CACNA1A: variants seen among roughly 807,000 people sequenced by gnomAD.
CACNA1A encodes voltage-dependent P/Q-type calcium channel subunit alpha-1A.
CACNA1A carries 57 observed loss-of-function variants against 262.4 expected under a neutral mutation model. The ratio of observed to expected loss-of-function variants is 0.22; its 90% CI spans 0.18 to 0.27. The LOEUF (loss-of-function observed/expected upper bound fraction) is 0.27. Ranked by LOEUF, CACNA1A falls within the 10% of genes least tolerant of loss-of-function variation. The pLI is 1.00. For synonymous variants in CACNA1A, 1,431 were observed against 1,419.3 expected (o/e 1.01, Z -0.18); for missense variants, 2,526 against 3,562.8 (o/e 0.71, Z 7.41).
rs947846196 is a variant in CACNA1A, at chr19:13,327,774, T to C, written c.1345+2470A>G. On this transcript the variant is annotated intron_variant, in intron 10 of 46. Transcript: ENST00000360228. Reference sequence around the variant, plus strand: ...TTTTAGTACAGACACGGTTTCACCATGTTGGCCAGGCTGGTCTCCTACTCC... The same window carrying C: ...TTTTAGTACAGACACGGTTTCACCACGTTGGCCAGGCTGGTCTCCTACTCC... Among the ~76,000 whole-genome samples the C allele has an allele frequency of 9.1e-4, 139 of 152,106 alleles. 10 individuals are homozygous for C. The highest frequency in any genetic ancestry group is 1.5e-5 in the Non-Finnish European group (1 of 68,016).
Position 13,261,630 on chromosome 19 carries a change from G to A in CACNA1A, c.4090-20C>T, listed in dbSNP as rs2056736361. 4 of 1,602,758 alleles carry A rather than the reference G, an allele frequency of 2.5e-6. No individual in the cohort carries two copies. Among genetic ancestry groups the A allele is most frequent in the Non-Finnish European group, 3.4e-6 (4 of 1,174,876 alleles). On this transcript the variant is annotated intron_variant, in intron 25 of 46. Transcript: ENST00000360228. ...CACAGCCTGTGGGGTGGAGTTGACAGAGAGCATGAGGGGCTGGGGACCTGC... is the reference window on the plus strand; with the variant it reads ...CACAGCCTGTGGGGTGGAGTTGACAAAGAGCATGAGGGGCTGGGGACCTGC...
At chr19:13,216,091 G>A (rs1306855962) in intron 38 of CACNA1A, among the ~76,000 whole-genome samples, 1 of 151,546 alleles carries the variant, frequency 6.6e-6, no homozygotes, top group Non-Finnish European at 1.5e-5. Flanking sequence ...GCTCAGAGGA[G>A]GTCTTTTCCC....
chr19:13,369,200 A>C (rs1160803158), intron 4 of CACNA1A, among the ~76,000 whole-genome samples: 1 of 152,090 alleles, frequency 6.6e-6, no homozygotes, highest in Non-Finnish European at 1.5e-5. Context: ...AATGCCTCCC[A>C]GCTGCCTCTC....
At chr19:13,439,670 C>A (rs570780104) in intron 3 of CACNA1A, among the ~76,000 whole-genome samples, 122 of 152,178 alleles carry the variant, frequency 8.0e-4, no homozygotes, top group African/African-American at 2.9e-3. Flanking sequence ...CTCGGCCTCC[C>A]AAAGTGCTGG....
chr19:13,336,594 G>GAGAGAGAGGGAGA (rs2058572370), intron 6 of CACNA1A, among the ~76,000 whole-genome samples: 2 of 65,494 alleles, frequency 3.1e-5, no homozygotes, highest in Non-Finnish European at 3.1e-5. Flanking sequence ...AGAGAGAGAG[G>GAGAGAGAGGGAGA]GAGAGAGAGA....
intron 3 of CACNA1A, among the ~76,000 whole-genome samples, chr19:13,427,289 T>TA (rs1179095896): frequency 6.6e-6 from 1 of 151,508 alleles, no homozygotes; most frequent in African/African-American, 2.4e-5. Context: ...CCGTCTCTAC[T>TA]AAAAAAAATT....
In CACNA1A at chr19:13,299,004, G is replaced by A; in HGVS notation, c.2629C>T (p.Leu877=). 2 of 1,575,246 alleles carry A rather than the reference G, an allele frequency of 1.3e-6. No homozygotes were observed. Among genetic ancestry groups the A allele is most frequent in the Non-Finnish European group, 1.7e-6 (2 of 1,168,156 alleles). Residue 877 remains leucine, a synonymous_variant, in exon 19 of 47, where the codon CTG becomes TTG. Coordinates refer to ENST00000360228, the MANE Select transcript of CACNA1A (RefSeq NM_001127222.2). ...CCCGCCCAGGGCCTCCGTGCGTCCA[G>A]GCCCGCCGAGCCGCTGGGGTCCCGG... The part of the protein sequence containing the change: ...RARDPSGSAG[L]DARRPWAGSQ...
chr19:13,317,985 G>A (rs2145054621), intron 10 of CACNA1A, among the ~76,000 whole-genome samples: 1 of 152,110 alleles, frequency 6.6e-6, no homozygotes, highest in Non-Finnish European at 1.5e-5. Flanking sequence ...AAAGTGCTAT[G>A]GGAAAAAAAA....
At chr19:13,314,829 G>A (rs188636716) in intron 11 of CACNA1A, among the ~76,000 whole-genome samples, 223 of 152,190 alleles carry the variant, frequency 1.5e-3, no homozygotes, top group Non-Finnish European at 2.7e-3. Flanking sequence ...TTATTTATAG[G>A]ACGCTAAGGA....
At chr19:13,263,833 T>C (rs1312579333) in intron 24 of CACNA1A, among the ~76,000 whole-genome samples, 1 of 152,182 alleles carries the variant, frequency 6.6e-6, no homozygotes, top group African/African-American at 2.4e-5. Context: ...CTGTGTATTC[T>C]TTTTAAAGGT....
intron 3 of CACNA1A, among the ~76,000 whole-genome samples, chr19:13,417,907 A>G (rs1043991151): frequency 5.3e-5 from 8 of 150,402 alleles, no homozygotes; most frequent in South Asian, 2.1e-4. Flanking sequence ...AAAAAAAAAA[A>G]AGAGAACCAT....
At chr19:13,470,494 T>C (rs995228330) in intron 1 of CACNA1A, among the ~76,000 whole-genome samples, 1 of 152,216 alleles carries the variant, frequency 6.6e-6, no homozygotes, top group Non-Finnish European at 1.5e-5. Flanking sequence ...TTCTATCCAA[T>C]CTCTAAATGT....
At chr19:13,382,987 T>G (rs1240638768) in intron 3 of CACNA1A, among the ~76,000 whole-genome samples, 3 of 152,146 alleles carry the variant, frequency 2.0e-5, no homozygotes, top group Non-Finnish European at 4.4e-5. Context: ...GACTCCAGAA[T>G]CCCAGTTCTC....
rs17846916 is a variant in CACNA1A, at chr19:13,231,586, T to C, written c.5400+124A>G. 1,041 of 959,742 alleles carry C rather than the reference T, an allele frequency of 1.1e-3. 15 individuals are homozygous for C. In the East Asian group the frequency reaches 0.026, roughly 24 times the overall value. The allele number at this position is 959,742 out of a possible 1,614,324, so 59.5% of individuals were successfully genotyped here. ...CGCTCAGGGTCACCTGATCCCAGGC[T>C]GGTTCAGAGAAGCCTTGGAGGGAAC... On this transcript the variant is annotated intron_variant, in intron 35 of 46. Coordinates refer to ENST00000360228, the MANE Select transcript of CACNA1A (RefSeq NM_001127222.2).
intron 1 of CACNA1A, among the ~76,000 whole-genome samples, chr19:13,479,118 G>C (rs1405539556): frequency 6.6e-6 from 1 of 152,190 alleles, no homozygotes; most frequent in African/African-American, 2.4e-5. Context: ...AGGTTGCAGT[G>C]AGCCCAGATC....
chr19:13,466,113 G>A (rs2061231246), intron 1 of CACNA1A, among the ~76,000 whole-genome samples: 1 of 152,096 alleles, frequency 6.6e-6, no homozygotes, highest in South Asian at 2.1e-4. Flanking sequence ...AACAGTTGGA[G>A]TGCAGTAAAT....
At chr19:13,288,033 C>T (rs978646273) in intron 19 of CACNA1A, among the ~76,000 whole-genome samples, 1 of 151,878 alleles carries the variant, frequency 6.6e-6, no homozygotes. Flanking sequence ...AAACTCCTGG[C>T]CTCAAGTGAT....
intron 10 of CACNA1A, among the ~76,000 whole-genome samples, chr19:13,321,225 T>C (rs2058245961): frequency 6.6e-6 from 1 of 151,624 alleles, no homozygotes; most frequent in Admixed American, 6.6e-5. Flanking sequence ...GTAAAGATGG[T>C]GTTTTGCCAT....
In CACNA1A at chr19:13,436,358, T is replaced by C. The variant is rs574935191; in HGVS notation, c.539+16518A>G. Among the ~76,000 whole-genome samples the C allele has an allele frequency of 2.6e-5, 4 of 152,310 alleles. 1 individual carries two copies. The highest frequency in any genetic ancestry group is 9.6e-5 in the African/African-American group (4 of 41,576). On this transcript the variant is annotated intron_variant, in intron 3 of 46. Coordinates refer to ENST00000360228, the MANE Select transcript of CACNA1A (RefSeq NM_001127222.2). Reference sequence around the variant, plus strand: ...GCTCCTGAATCCACCCAGAGCAGGCTGGGCAGTCCCTGTTTTTCTCCTCCT... The same window carrying C: ...GCTCCTGAATCCACCCAGAGCAGGCCGGGCAGTCCCTGTTTTTCTCCTCCT...
Sources: allele counts gnomAD v4.1 joint callset (sites outside exome capture counted in the v4.1 genomes callset), GRCh38; gene constraint gnomAD v4.1.1; transcripts MANE v1.5; gene names NCBI Gene and HGNC (gene_info 2026-07-23, HGNC 2026-07-21).